The following PRKCE variants were observed in gnomAD, a reference collection of about 807,000 sequenced individuals.
The protein encoded by PRKCE is protein kinase C epsilon, also known as protein kinase C epsilon type.
Under a neutral mutation model 85.4 loss-of-function variants are expected in PRKCE, and 16 were observed. The observed-to-expected ratio is 0.19, with a 90% confidence interval of 0.13 to 0.28. The LOEUF is 0.28. Among genes scored for constraint, PRKCE ranks in the 10% least tolerant of loss-of-function variants. PRKCE has a pLI of 1.00. For synonymous variants in PRKCE, 388 were observed against 371.5 expected, an observed-to-expected ratio of 1.04 and a Z score of -0.51; for missense variants, 573 against 975.2, an observed-to-expected ratio of 0.59 and a Z score of 5.49.
chr2:46,072,614 A>G (rs1266545901), intron 10 of PRKCE, among the ~76,000 whole-genome samples: 2 of 152,362 alleles, frequency 1.3e-5, no homozygotes, highest in East Asian at 1.9e-4. Context: ...TGAAAACCCA[A>G]CACAGCATAG....
intron 2 of PRKCE, 43 bp from the exon 3 acceptor site, chr2:45,976,386 T>C: frequency 1.3e-6 from 2 of 1,585,144 alleles, no homozygotes; most frequent in Non-Finnish European, 1.7e-6. Flanking sequence ...GAAGGTGCAC[T>C]AACCCAGACT....
chr2:45,819,498 C>A (rs547175427), intron 1 of PRKCE, among the ~76,000 whole-genome samples: 2 of 152,314 alleles, frequency 1.3e-5, no homozygotes, highest in East Asian at 3.9e-4. Context: ...TCTGTCCCTC[C>A]AAGGCTCAAG....
At chr2:45,744,470 TTTC>T (rs1682910960) in intron 1 of PRKCE, among the ~76,000 whole-genome samples, 1 of 59,826 alleles carries the variant, frequency 1.7e-5, no homozygotes, top group African/African-American at 7.1e-5. Context: ...TCTTTCTTTC[TTTC>T]TTTCTTTCTT....
At chr2:45,668,289 G>A (rs1364330596) in intron 1 of PRKCE, among the ~76,000 whole-genome samples, 2 of 152,198 alleles carry the variant, frequency 1.3e-5, no homozygotes, top group Non-Finnish European at 2.9e-5. Context: ...TGCAGTGACT[G>A]AGATGGCGCC....
Position 46,127,240 on chromosome 2 carries a change from C to G in PRKCE, c.1593-17853C>G, listed in dbSNP as rs144211826. 2.0e-3 allele frequency among the ~76,000 whole-genome samples: 305 copies of G among 152,266 alleles called. 1 individual carries two copies. Among genetic ancestry groups the G allele is most frequent in the Admixed American group, 4.1e-3 (63 of 15,292 alleles). ...ATATTTTCTTCACGTCACTAAAATC[C>G]TGGATTCTTAGGATCTTTTTAATAC... On this transcript the variant is annotated intron_variant, in intron 11 of 14. Coordinates refer to ENST00000306156, the MANE Select transcript of PRKCE (RefSeq NM_005400.3).
At chr2:46,106,806 A>G (rs1225896538) in intron 11 of PRKCE, among the ~76,000 whole-genome samples, 1 of 152,164 alleles carries the variant, frequency 6.6e-6, no homozygotes, top group Non-Finnish European at 1.5e-5. Context: ...TGATTTTCTG[A>G]GTTATGGAGG....
intron 10 of PRKCE, among the ~76,000 whole-genome samples, chr2:46,012,062 G>C (rs1010357571): frequency 7.2e-5 from 11 of 152,140 alleles, no homozygotes; most frequent in Admixed American, 2.0e-4. Flanking sequence ...ATATTTATGG[G>C]TTTGTGTGTG....
At chr2:46,176,775 A>G (rs1679469793) in intron 14 of PRKCE, among the ~76,000 whole-genome samples, 1 of 152,198 alleles carries the variant, frequency 6.6e-6, no homozygotes, top group South Asian at 2.1e-4. Context: ...TTCAGGGGCC[A>G]GGTCAAAGGG....
At chr2:45,873,978 G>C (rs953212807) in intron 2 of PRKCE, among the ~76,000 whole-genome samples, 3 of 152,248 alleles carry the variant, frequency 2.0e-5, no homozygotes, top group Admixed American at 1.3e-4. Context: ...ACAGATCTTG[G>C]ACAGACGCCA....
chr2:45,999,586 G>C (rs576944405), intron 6 of PRKCE, among the ~76,000 whole-genome samples: 2 of 151,552 alleles, frequency 1.3e-5, no homozygotes, highest in Non-Finnish European at 2.9e-5. Flanking sequence ...GTTTCTTTTT[G>C]GCATTTATCC....
chr2:45,669,984 C>T (rs1039902951), intron 1 of PRKCE, among the ~76,000 whole-genome samples: 1 of 152,118 alleles, frequency 6.6e-6, no homozygotes, highest in Non-Finnish European at 1.5e-5. Flanking sequence ...GCACTCCAGC[C>T]TGGGCAACAG....
intron 2 of PRKCE, among the ~76,000 whole-genome samples, chr2:45,884,985 A>G (rs770148219): frequency 0.16 from 13,185 of 84,984 alleles, 2,236 homozygotes; most frequent in East Asian, 0.62. Flanking sequence ...ATATATATAT[A>G]TATATATATA....
chr2:46,174,977 C>T (rs1679285955), intron 14 of PRKCE, among the ~76,000 whole-genome samples: 1 of 152,056 alleles, frequency 6.6e-6, no homozygotes, highest in South Asian at 2.1e-4. Context: ...AGGCATGAAC[C>T]ACCACGCCCA....
At chr2:45,758,526 A>G (rs1684190836) in intron 1 of PRKCE, among the ~76,000 whole-genome samples, 2 of 152,070 alleles carry the variant, frequency 1.3e-5, no homozygotes, top group Admixed American at 6.5e-5. Flanking sequence ...TTTCCTTGAG[A>G]TGAACTCCTG....
In PRKCE at chr2:45,745,522, T is replaced by C. The variant is rs78982100; in HGVS notation, c.348+93074T>C. Among the ~76,000 whole-genome samples, 1,245 of 152,358 alleles carry C rather than the reference T, an allele frequency of 8.2e-3. 19 individuals are homozygous for C. The highest frequency in any genetic ancestry group is 0.029 in the African/African-American group (1,190 of 41,576). ...CTGTCATTCCAGGAAGCTTGCTTTC[T>C]TGTTGAAACGAAAGCATGTGGAGGT... On this transcript the variant is annotated intron_variant, in intron 1 of 14. Transcript: ENST00000306156.
chr2:46,093,563 C>G (rs1670392817), intron 11 of PRKCE, among the ~76,000 whole-genome samples: 1 of 144,282 alleles, frequency 6.9e-6, no homozygotes, highest in Non-Finnish European at 1.5e-5. Context: ...GGGTCTTGCT[C>G]TGTTGTCCAG....
intron 12 of PRKCE, 109 bp from the exon 13 acceptor site, chr2:46,150,932 T>C: frequency 1.0e-6 from 1 of 1,001,926 alleles, no homozygotes; most frequent in Non-Finnish European, 1.4e-6. Flanking sequence ...GACTCAACTG[T>C]AGGGAGGAGC....
At chr2:46,180,789 G>A (rs1448219) in intron 14 of PRKCE, among the ~76,000 whole-genome samples, 146,150 of 152,340 alleles carry the variant, frequency 0.96, 70,167 homozygotes, top group East Asian at 1. Context: ...GTGACAGATG[G>A]AAAGACCACG....
chr2:46,164,785 A>C (rs1448844029), intron 14 of PRKCE: 2 of 152,388 alleles, frequency 1.3e-5, no homozygotes, highest in Non-Finnish European at 2.9e-5. Context: ...AGGCACAACA[A>C]GGCTGTACTC....
Sources: allele counts gnomAD v4.1 joint callset (sites outside exome capture counted in the v4.1 genomes callset), GRCh38; gene constraint gnomAD v4.1.1; transcripts MANE v1.5; gene names NCBI Gene and HGNC (gene_info 2026-07-23, HGNC 2026-07-21).